The following ZDHHC7 variants were observed in gnomAD, a reference collection of about 807,000 sequenced individuals.
The protein encoded by ZDHHC7 is zDHHC palmitoyltransferase 7, also known as palmitoyltransferase ZDHHC7.
ZDHHC7 carries 12 observed loss-of-function variants against 34.1 expected under a neutral mutation model. The ratio of observed to expected loss-of-function variants is 0.35; its 90% confidence interval spans 0.23 to 0.57. The LOEUF (loss-of-function observed/expected upper bound fraction) is 0.57, where lower values mean the gene tolerates loss of function less well. Among genes scored for constraint, ZDHHC7 ranks in the 20% least tolerant of loss-of-function variants. The probability of loss-of-function intolerance (pLI) is 0.84; values close to 1 mark genes in which losing one functional copy is unlikely to be tolerated. For missense variants in ZDHHC7, 388 were observed against 402.7 expected, an observed-to-expected ratio of 0.96 and a Z score of 0.31; for synonymous variants, 185 against 155.4, an observed-to-expected ratio of 1.19 and a Z score of -1.42.
intron 3 of ZDHHC7, among the ~76,000 whole-genome samples, chr16:84,984,633 A>T (rs1455203650): frequency 6.6e-6 from 1 of 152,134 alleles, no homozygotes; most frequent in East Asian, 1.9e-4. Flanking sequence ...CCAAGTACAC[A>T]TTGGGTGATC....
chr16:84,987,491 C>G (rs1458876175), intron 3 of ZDHHC7, among the ~76,000 whole-genome samples: 1 of 148,462 alleles, frequency 6.7e-6, no homozygotes, highest in African/African-American at 2.5e-5. Flanking sequence ...GATTTTTTTT[C>G]CATTTTCTTT....
At chr16:84,997,462 G>A (rs1198944260) in intron 1 of ZDHHC7, among the ~76,000 whole-genome samples, 2 of 150,540 alleles carry the variant, frequency 1.3e-5, no homozygotes, top group South Asian at 2.1e-4. Flanking sequence ...TAGTAGAGAC[G>A]TGGTTTCACC....
intron 3 of ZDHHC7, among the ~76,000 whole-genome samples, chr16:84,985,975 A>G (rs971800895): frequency 3.0e-4 from 45 of 151,744 alleles, no homozygotes; most frequent in Non-Finnish European, 5.3e-4. Context: ...AAAAAAAAAA[A>G]AGAATTGAGA....
intron 3 of ZDHHC7, chr16:84,988,810 C>T: frequency 1.3e-6 from 2 of 1,551,822 alleles, no homozygotes; most frequent in Non-Finnish European, 8.7e-7. Context: ...CAAATGCCCA[C>T]AAGGGTTGGG....
Position 84,990,373 on chromosome 16 carries a change from G to A in ZDHHC7, c.246C>T (p.Asn82=), listed in dbSNP as rs147123580. The change falls in exon 3 of 8, where the codon AAC becomes AAT. Residue 82 remains asparagine, a synonymous_variant. Coordinates refer to ENST00000313732, the MANE Select transcript of ZDHHC7 (RefSeq NM_017740.3). ...CGGCCAAGCAGTTAAAGATGACCCC[G>A]TTGACCACAGAGTACCAGAAGTCTT... ...PSKDFWYSVV[N]GVIFNCLAVL... is the part of the protein sequence containing the mutation. 604 of 1,614,008 alleles carry A rather than the reference G, an allele frequency of 3.7e-4. No homozygotes were observed. Among genetic ancestry groups the A allele is most frequent in the Admixed American group, 5.2e-4 (31 of 59,978 alleles).
At chr16:84,976,936 G>A (rs888695855) in intron 7 of ZDHHC7, among the ~76,000 whole-genome samples, 159 bp downstream of exon 7, 1 of 152,212 alleles carries the variant, frequency 6.6e-6, no homozygotes, top group Non-Finnish European at 1.5e-5. Flanking sequence ...TGCCCAGAAT[G>A]AAAGAAACAG....
intron 1 of ZDHHC7, among the ~76,000 whole-genome samples, chr16:84,996,941 G>A (rs1438577648): frequency 6.6e-6 from 1 of 151,552 alleles, no homozygotes. Flanking sequence ...GCAGAGAACT[G>A]CTTGAACCCA....
chr16:85,001,015 G>C (rs192663953), intron 1 of ZDHHC7, among the ~76,000 whole-genome samples: 2 of 152,186 alleles, frequency 1.3e-5, no homozygotes, highest in Non-Finnish European at 2.9e-5. Context: ...ATGTGACACA[G>C]CACAGAAGGG....
Position 84,981,910 on chromosome 16 carries a change from TG to T in ZDHHC7, c.399del (p.Lys134SerfsTer30). 6.2e-7 allele frequency: 1 copy of T among 1,614,218 alleles called. No individual in the cohort carries two copies. The highest frequency in any genetic ancestry group is 8.5e-7 in the Non-Finnish European group (1 of 1,180,030). ...LKPGEVIYKC[P>X]KCCCIKPERA... Reference sequence around the variant, plus strand: ...CGCTCGGGTTTAATACAGCAGCACTTGGGGCACTTGTAGATGACTTCCCCGG... The same window carrying T: ...CGCTCGGGTTTAATACAGCAGCACTTGGGCACTTGTAGATGACTTCCCCGG... On this transcript the variant is annotated frameshift_variant, in exon 4 of 8. Coordinates refer to ENST00000313732, the MANE Select transcript of ZDHHC7 (RefSeq NM_017740.3). LOFTEE classifies it high-confidence loss of function.
At chr16:84,996,743 T>C (rs536872036) in intron 1 of ZDHHC7, among the ~76,000 whole-genome samples, 1 of 152,060 alleles carries the variant, frequency 6.6e-6, no homozygotes, top group Non-Finnish European at 1.5e-5. Context: ...AAAAAGAAAG[T>C]CCAGGCCAGG....
chr16:85,009,716 T>C (rs1003300357), intron 1 of ZDHHC7, among the ~76,000 whole-genome samples: 5 of 145,380 alleles, frequency 3.4e-5, no homozygotes, highest in Non-Finnish European at 6.0e-5. Flanking sequence ...TTTCTTTTTT[T>C]TTTTTTTTTT....
At chr16:85,010,941 G>C (rs1401860996) in intron 1 of ZDHHC7, among the ~76,000 whole-genome samples, 1 of 152,250 alleles carries the variant, frequency 6.6e-6, no homozygotes, top group Non-Finnish European at 1.5e-5. Context: ...ACTCTTTACA[G>C]CTTACACAGG....
intron 4 of ZDHHC7, among the ~76,000 whole-genome samples, chr16:84,980,719 T>C (rs990697910): frequency 4.6e-5 from 7 of 152,136 alleles, no homozygotes; most frequent in African/African-American, 1.4e-4. Flanking sequence ...ATTTGCAATG[T>C]ACAATTCAAT....
chr16:84,981,234 G>A (rs1457545513), intron 4 of ZDHHC7, among the ~76,000 whole-genome samples: 1 of 152,164 alleles, frequency 6.6e-6, no homozygotes, highest in Non-Finnish European at 1.5e-5. Context: ...GACCAGCAGG[G>A]GTGAGGTGTG....
upstream of ZDHHC7, among the ~76,000 whole-genome samples, chr16:85,014,049 G>A (rs556787732): frequency 3.3e-5 from 5 of 152,266 alleles, no homozygotes; most frequent in South Asian, 1.0e-3. Flanking sequence ...GAGATAAGGA[G>A]TTTTCTTTTC....
At chr16:84,982,305 G>A (rs1017552949) in intron 3 of ZDHHC7, among the ~76,000 whole-genome samples, 1 of 148,550 alleles carries the variant, frequency 6.7e-6, no homozygotes, top group Non-Finnish European at 1.5e-5. Flanking sequence ...AGATCGCGCC[G>A]TTGCACTCCA....
chr16:84,976,475 C>G lies in ZDHHC7; in HGVS notation c.795G>C (p.Arg265Ser). Residue 265 changes from arginine (R) to serine (S), a missense_variant, in exon 8 of 8, where the codon AGG (arginine) becomes AGC (serine). Arg to Ser is a moderately radical substitution (Grantham distance 110). Transcript: ENST00000313732. ...CGGACTTCATCCCTTCCCATCGCAGCCTCCGCTCCCATGTGGGCTTCTCAC... is the reference window on the plus strand; with the variant it reads ...CGGACTTCATCCCTTCCCATCGCAGGCTCCGCTCCCATGTGGGCTTCTCAC... The part of the protein sequence containing the change: ...LKSEKPTWER[R>S]LRWEGMKSVF... 1 of 1,614,116 alleles carries G rather than the reference C, an allele frequency of 6.2e-7. No individual in the cohort carries two copies. The highest frequency in any genetic ancestry group is 8.5e-7 in the Non-Finnish European group (1 of 1,180,034).
intron 5 of ZDHHC7, among the ~76,000 whole-genome samples, chr16:84,978,653 G>A (rs763212372): frequency 1.3e-5 from 2 of 151,980 alleles, no homozygotes; most frequent in African/African-American, 4.8e-5. Context: ...GCCTGAGGTC[G>A]GGAGTTCAAG....
upstream of ZDHHC7, chr16:85,011,681 C>T (rs369967238): frequency 6.6e-6 from 1 of 152,222 alleles, no homozygotes; most frequent in African/African-American, 2.4e-5. Context: ...TAGTCACAGC[C>T]CCTCTCGCTA....
Sources: gnomAD v4.1 joint callset for allele counts (sites outside exome capture counted in the v4.1 genomes callset) on GRCh38, gnomAD v4.1.1 for gene constraint, MANE v1.5 for transcripts, NCBI Gene and HGNC (gene_info 2026-07-23, HGNC 2026-07-21) for gene names.